The following RTN4RL1 variants were observed in gnomAD, a reference collection of about 807,000 sequenced individuals.
RTN4RL1 encodes the protein reticulon 4 receptor like 1, also known as reticulon-4 receptor-like 1.
RTN4RL1 carries 7 observed loss-of-function variants against 25.6 expected under a neutral mutation model. The ratio of observed to expected loss-of-function variants is 0.27; its 90% CI spans 0.16 to 0.51. The LOEUF is 0.51. RTN4RL1 is among the 20% of genes least tolerant of loss of function. The probability of loss-of-function intolerance (pLI) is 0.97; values close to 1 mark genes in which losing one functional copy is unlikely to be tolerated. For synonymous variants in RTN4RL1, 297 were observed against 288.2 expected, an observed-to-expected ratio of 1.03 and a Z score of -0.31; for missense variants, 500 against 615.6, an observed-to-expected ratio of 0.81 and a Z score of 1.99.
chr17:1,953,651 A>G (rs900106556), intron 1 of RTN4RL1, among the ~76,000 whole-genome samples: 6 of 151,570 alleles, frequency 4.0e-5, no homozygotes, highest in African/African-American at 1.2e-4. Flanking sequence ...TGCAACCTCT[A>G]CCTCCTGGGT....
chr17:2,024,744 G>T, intron 1 of RTN4RL1, 109 bp downstream of exon 1: 2 of 1,140,042 alleles, frequency 1.8e-6, no homozygotes, highest in Non-Finnish European at 1.2e-6. Context: ...CCACCAGCCC[G>T]CCGGGGGCTA....
At chr17:1,974,779 C>G (rs371257843) in intron 1 of RTN4RL1, among the ~76,000 whole-genome samples, 11 of 152,334 alleles carry the variant, frequency 7.2e-5, no homozygotes, top group African/African-American at 2.6e-4. Context: ...CCCTCTCTCA[C>G]TCTGCTCACC....
Position 1,937,594 on chromosome 17 carries a change from G to GGGGCTGAAGTGGCC in RTN4RL1, c.214_227dup (p.Met78ThrfsTer53). ...AGTAGATCCACAGGGTGACCATGGC[G>GGGGCTGAAGTGGCC]GGGCTGAAGTGGCCGGGCTGGAGGA... On this transcript the variant is annotated frameshift_variant, in exon 2 of 2. Coordinates refer to ENST00000331238, the MANE Select transcript of RTN4RL1 (RefSeq NM_178568.4). LOFTEE classifies it high-confidence loss of function. 1.2e-6 allele frequency: 2 copies of GGGGCTGAAGTGGCC among 1,613,944 alleles called. No individual in the cohort carries two copies. The highest frequency in any genetic ancestry group is 1.7e-6 in the Non-Finnish European group (2 of 1,179,836).
intron 1 of RTN4RL1, among the ~76,000 whole-genome samples, chr17:1,945,574 C>T (rs1353639324): frequency 6.6e-6 from 1 of 152,052 alleles, no homozygotes; most frequent in Non-Finnish European, 1.5e-5. Context: ...TTGTTTCAAA[C>T]TCCTGGCCTC....
intron 1 of RTN4RL1, among the ~76,000 whole-genome samples, chr17:1,963,885 G>A (rs567942859): frequency 2.1e-4 from 32 of 152,044 alleles, no homozygotes; most frequent in Non-Finnish European, 3.7e-4. Context: ...GCGCCACCAC[G>A]CCCGGCTCAT....
intron 1 of RTN4RL1, among the ~76,000 whole-genome samples, chr17:2,016,497 G>A (rs9909597): frequency 0.027 from 4,161 of 152,274 alleles, 203 homozygotes; most frequent in African/African-American, 0.096. Context: ...TACTGAGTCC[G>A]CCCCAGAGCT....
chr17:1,994,099 C>G lies in RTN4RL1; in HGVS notation c.13+30754G>C, dbSNP rs1054140812. On this transcript the variant is annotated intron_variant, in intron 1 of 1. Coordinates refer to ENST00000331238, the MANE Select transcript of RTN4RL1 (RefSeq NM_178568.4). This position sits in a 1 kb window ranked among gnomAD's most constrained non-coding sequence, Gnocchi z 4.3. ...CAGGACACGTGCACTCGAACCTCGC[C>G]GCTCCGGGTCCCAATCTGTGGATTG... Among the ~76,000 whole-genome samples the G allele has an allele frequency of 6.6e-6, 1 of 152,148 alleles. No individual in the cohort carries two copies. The highest frequency in any genetic ancestry group is 1.5e-5 in the Non-Finnish European group (1 of 68,018).
chr17:1,939,599 G>A (rs562350998), intron 1 of RTN4RL1, among the ~76,000 whole-genome samples: 5 of 152,164 alleles, frequency 3.3e-5, no homozygotes, highest in South Asian at 4.1e-4. Flanking sequence ...TGTCCAGAGC[G>A]TTTCCTCTGT....
intron 1 of RTN4RL1, among the ~76,000 whole-genome samples, chr17:2,002,143 G>A (rs898303846): frequency 1.3e-5 from 2 of 151,872 alleles, no homozygotes; most frequent in African/African-American, 2.4e-5. Flanking sequence ...TAGATAGTAC[G>A]AGATCTTAGG....
chr17:1,995,284 G>C (rs2066924433), intron 1 of RTN4RL1, among the ~76,000 whole-genome samples: 1 of 152,082 alleles, frequency 6.6e-6, no homozygotes, highest in Non-Finnish European at 1.5e-5. Context: ...AAATTAGCCG[G>C]GCATGGTGGT....
intron 1 of RTN4RL1, among the ~76,000 whole-genome samples, chr17:1,960,071 G>T (rs1000071616): frequency 6.6e-6 from 1 of 152,092 alleles, no homozygotes; most frequent in African/African-American, 2.4e-5. Flanking sequence ...GCTCAAGCTG[G>T]AAATGCAGGT....
At chr17:1,962,693 C>T (rs1022246531) in intron 1 of RTN4RL1, among the ~76,000 whole-genome samples, 5 of 151,642 alleles carry the variant, frequency 3.3e-5, no homozygotes, top group Non-Finnish European at 4.4e-5. Flanking sequence ...GGTGAAACCT[C>T]GTCTCTACTA....
intron 1 of RTN4RL1, among the ~76,000 whole-genome samples, chr17:2,002,191 GTCTT>G (rs995328573): frequency 6.6e-6 from 1 of 151,976 alleles, no homozygotes; most frequent in Non-Finnish European, 1.5e-5. Context: ...TGCAAGGACT[GTCTT>G]CCTTCCTTCC....
At chr17:2,012,844 A>G (rs1379645965) in intron 1 of RTN4RL1, among the ~76,000 whole-genome samples, 2 of 148,862 alleles carry the variant, frequency 1.3e-5, no homozygotes, top group Non-Finnish European at 1.5e-5. Context: ...CCCAGGCTGG[A>G]GTGAAGTGGC....
At chr17:1,939,338 G>A (rs1915392002) in intron 1 of RTN4RL1, among the ~76,000 whole-genome samples, 1 of 150,586 alleles carries the variant, frequency 6.6e-6, no homozygotes, top group African/African-American at 2.5e-5. Flanking sequence ...GGGCGACAGA[G>A]CGAAACTCCG....
At chr17:1,952,257 C>A (rs1180794112) in intron 1 of RTN4RL1, among the ~76,000 whole-genome samples, 1 of 151,700 alleles carries the variant, frequency 6.6e-6, no homozygotes, top group East Asian at 1.9e-4. Context: ...AGAGACCACG[C>A]TGCATGACGT....
chr17:2,024,535 A>G (rs2151333717), intron 1 of RTN4RL1, among the ~76,000 whole-genome samples: 1 of 152,212 alleles, frequency 6.6e-6, no homozygotes, highest in Admixed American at 6.5e-5. Flanking sequence ...GCAAAACTTT[A>G]TCCCAGCAAA....
rs34138766 is a variant in RTN4RL1, at chr17:1,964,788, C to CTTTTTT, written c.14-26986_14-26981dup. On this transcript the variant is annotated intron_variant, in intron 1 of 1. Transcript: ENST00000331238. ...TTACAGTTTGCATTTCTTTTCTTTT[C>CTTTTTT]TTTTTTTTTTTTTTTTTTGAGATGG... 3.4e-4 allele frequency among the ~76,000 whole-genome samples: 42 copies of CTTTTTT among 124,716 alleles called. 1 individual carries two copies. In the Middle Eastern group the frequency reaches 0.015, roughly 44 times the overall value. 81.8% of individuals were successfully genotyped at this position (124,716 alleles called of 152,430 possible). A position where few individuals can be genotyped will look rare whatever the true frequency, so the allele number is the denominator to read the frequency against.
chr17:2,024,503 G>T (rs2067248424), intron 1 of RTN4RL1, among the ~76,000 whole-genome samples: 1 of 152,108 alleles, frequency 6.6e-6, no homozygotes. Context: ...GTGTGCCCGC[G>T]CAGGGAATGG....
Sources: allele counts gnomAD v4.1 joint callset (sites outside exome capture counted in the v4.1 genomes callset), GRCh38; gene constraint gnomAD v4.1.1; non-coding constraint Gnocchi (gnomAD v3.1); transcripts MANE v1.5; gene names NCBI Gene and HGNC (gene_info 2026-07-23, HGNC 2026-07-21).